ABCC12: variants seen among roughly 807,000 people sequenced by gnomAD.
ABCC12 encodes ATP-binding cassette sub-family C member 12.
ABCC12 carries 142 observed loss-of-function variants against 151.1 expected under a neutral mutation model. The observed-to-expected ratio is 0.94, with a 90% CI of 0.82 to 1.08. The LOEUF is 1.08. ABCC12 is among the 50% of genes least tolerant of loss of function. ABCC12 has a pLI of 0.00. For synonymous variants in ABCC12, 645 were observed against 646.4 expected (o/e 1.00, Z 0.03); for missense variants, 1,638 against 1,691.1 (o/e 0.97, Z 0.55).
rs376119024 is a variant in ABCC12 at position 48,086,733 on chromosome 16, A to G, written c.3714+8T>C. ...ACAAACTCCTCCTCAACAGCCCCAGAGACCTACTGTGTCTCTCATGAATGT... is the reference window on the plus strand; with the variant it reads ...ACAAACTCCTCCTCAACAGCCCCAGGGACCTACTGTGTCTCTCATGAATGT... On this transcript the variant is annotated splice_region_variant and intron_variant, in intron 28 of 30. Coordinates refer to ENST00000311303, the MANE Select transcript of ABCC12 (RefSeq NM_001393797.1). The G allele has an allele frequency of 5.0e-6, 8 of 1,610,808 alleles. No homozygotes were observed. The African/African-American group carries it at 1.1e-4, about 22-fold the overall frequency.
At chr16:48,116,869 A>AG (rs1488423751) in intron 14 of ABCC12, among the ~76,000 whole-genome samples, 5 of 152,118 alleles carry the variant, frequency 3.3e-5, no homozygotes, top group African/African-American at 1.2e-4. Context: ...CAAGCACCCC[A>AG]GGGGGCAATG....
At chr16:48,150,180 C>T (rs549212729) in intron 2 of ABCC12, among the ~76,000 whole-genome samples, 89 of 152,272 alleles carry the variant, frequency 5.8e-4, no homozygotes, top group Non-Finnish European at 5.9e-4. Flanking sequence ...GAATTTCCTC[C>T]CTGCCCCTGC....
chr16:48,099,702 C>A (rs1963235217), intron 23 of ABCC12, among the ~76,000 whole-genome samples: 2 of 152,300 alleles, frequency 1.3e-5, no homozygotes, highest in Middle Eastern at 6.8e-3. Context: ...ACCATAAAAT[C>A]CCCCTGGGTC....
chr16:48,114,669 G>T (rs1301838868), intron 15 of ABCC12, among the ~76,000 whole-genome samples: 2 of 152,186 alleles, frequency 1.3e-5, no homozygotes, highest in Non-Finnish European at 2.9e-5. Flanking sequence ...CATCTCTGGG[G>T]ATTCCCTACA....
intron 24 of ABCC12, among the ~76,000 whole-genome samples, chr16:48,092,141 C>T (rs1158400450): frequency 1.3e-5 from 2 of 152,232 alleles, no homozygotes; most frequent in Admixed American, 6.5e-5. Context: ...ACCTTGAGTG[C>T]GGGCATCTGA....
intron 8 of ABCC12, among the ~76,000 whole-genome samples, chr16:48,134,054 C>T (rs946226598): frequency 2.0e-5 from 3 of 152,178 alleles, no homozygotes; most frequent in Admixed American, 6.5e-5. Context: ...TGTCCAACTT[C>T]CCTTCCAGCC....
intron 13 of ABCC12, among the ~76,000 whole-genome samples, chr16:48,117,908 AC>A (rs1016192436): frequency 1.3e-5 from 2 of 152,190 alleles, no homozygotes; most frequent in Non-Finnish European, 2.9e-5. Flanking sequence ...AACTCGGGAT[AC>A]TGAGTCGAAG....
intron 23 of ABCC12, among the ~76,000 whole-genome samples, chr16:48,099,555 A>G (rs965241010): frequency 6.6e-6 from 1 of 152,204 alleles, no homozygotes; most frequent in Non-Finnish European, 1.5e-5. Flanking sequence ...CTATGGATTC[A>G]CCAAACTCCA....
At chr16:48,106,719 G>C (rs1963505561) in intron 20 of ABCC12, among the ~76,000 whole-genome samples, 1 of 152,184 alleles carries the variant, frequency 6.6e-6, no homozygotes, top group Non-Finnish European at 1.5e-5. Context: ...GCACTCCCCA[G>C]GGCTCCAGGA....
Position 48,111,947 on chromosome 16 carries a change from G to A in ABCC12, c.1990-37C>T, listed in dbSNP as rs757070224. 3.7e-6 allele frequency: 6 copies of A among 1,601,216 alleles called. No individual in the cohort carries two copies. In the East Asian group the frequency reaches 8.9e-5, roughly 24 times the overall value. On this transcript the variant is annotated intron_variant, in intron 15 of 30. Transcript: ENST00000311303. ...AGTGATCGACAATGAACTTCTGCCTGGAAAGGAGAGCCCATGCCAAACTCC... is the reference window on the plus strand; with the variant it reads ...AGTGATCGACAATGAACTTCTGCCTAGAAAGGAGAGCCCATGCCAAACTCC...
At chr16:48,143,387 A>C (rs1222438190) in intron 4 of ABCC12, among the ~76,000 whole-genome samples, 2 of 152,230 alleles carry the variant, frequency 1.3e-5, no homozygotes, top group Non-Finnish European at 2.9e-5. Flanking sequence ...CATGCAGTCC[A>C]GCCCAAATCT....
At chr16:48,092,761 G>A (rs1454118702) in intron 24 of ABCC12, among the ~76,000 whole-genome samples, 1 of 152,184 alleles carries the variant, frequency 6.6e-6, no homozygotes, top group Non-Finnish European at 1.5e-5. Context: ...GGTTGATGTG[G>A]GAGAGGGGCC....
In ABCC12 at chr16:48,091,182, GCA is replaced by G. The variant is rs370025294; in HGVS notation, c.3221_3222del (p.Val1074AlafsTer26). 10 of 1,613,940 alleles carry G rather than the reference GCA, an allele frequency of 6.2e-6. No individual in the cohort carries two copies. The African/African-American group carries it at 1.3e-4, about 22-fold the overall frequency. On this transcript the variant is annotated frameshift_variant, in exon 25 of 31. Coordinates refer to ENST00000311303, the MANE Select transcript of ABCC12 (RefSeq NM_001393797.1). LOFTEE classifies it high-confidence loss of function. Reference protein sequence around the residue: ...IQLSGLLQVCVRTGTETQAKF... With the variant: ...IQLSGLLQVCXRTGTETQAKF... ...TTGGCTTGCGTCTCTGTTCCCGTTCGCACACACACTTGGAGCAGTCCGCTCAG... is the reference window on the plus strand; with the variant it reads ...TTGGCTTGCGTCTCTGTTCCCGTTCGCACACACTTGGAGCAGTCCGCTCAG...
chr16:48,095,191 C>T (rs564280147), intron 24 of ABCC12, among the ~76,000 whole-genome samples: 10 of 152,254 alleles, frequency 6.6e-5, no homozygotes, highest in Middle Eastern at 6.8e-3. Context: ...GGGCAGTTTC[C>T]CCCATACTGT....
chr16:48,139,357 G>A (rs1964727049), intron 6 of ABCC12, 21 bp from the exon 7 acceptor site: 1 of 1,583,806 alleles, frequency 6.3e-7, no homozygotes, highest in South Asian at 1.2e-5. Flanking sequence ...AAGCGCAAAG[G>A]TTCAGGCTTT....
At chr16:48,119,378 A>G (rs1036407888) in intron 13 of ABCC12, among the ~76,000 whole-genome samples, 1 of 152,180 alleles carries the variant, frequency 6.6e-6, no homozygotes, top group Non-Finnish European at 1.5e-5. Context: ...CTCTTTCCCC[A>G]TGTGCCCTGC....
intron 29 of ABCC12, 55 bp downstream of exon 29, chr16:48,085,538 T>G: frequency 1.4e-6 from 2 of 1,481,312 alleles, no homozygotes; most frequent in Non-Finnish European, 1.9e-6. Context: ...CTGGATTGAG[T>G]GGCGCTGCGG....
At chr16:48,105,368 T>C in intron 20 of ABCC12, 32 bp from the exon 21 acceptor site, 1 of 1,566,250 alleles carries the variant, frequency 6.4e-7, no homozygotes, top group Non-Finnish European at 8.7e-7. Flanking sequence ...GCACCAAGAA[T>C]TGATAAATTC....
chr16:48,108,703 C>T (rs989628546), intron 18 of ABCC12, among the ~76,000 whole-genome samples, 174 bp from the exon 19 acceptor site: 1 of 152,212 alleles, frequency 6.6e-6, no homozygotes, highest in Non-Finnish European at 1.5e-5. Context: ...TTTTGTGCTA[C>T]TCGGTCTTCA....
Sources: allele counts gnomAD v4.1 joint callset (sites outside exome capture counted in the v4.1 genomes callset), GRCh38; gene constraint gnomAD v4.1.1; transcripts MANE v1.5; gene names NCBI Gene and HGNC (gene_info 2026-07-23, HGNC 2026-07-21).